Variants in IL3RA observed in about 807,000 individuals in gnomAD.
The protein encoded by IL3RA is interleukin 3 receptor subunit alpha, also known as interleukin-3 receptor subunit alpha.
A neutral mutation model predicts 52.3 loss-of-function variants in IL3RA; 73 were observed. That is an observed-to-expected ratio of 1.40 (90% CI 1.16 to 1.70). The LOEUF (loss-of-function observed/expected upper bound fraction) is 1.70. IL3RA is among the 40% of genes most tolerant of loss of function. The pLI, the probability that IL3RA is intolerant of heterozygous loss-of-function variation, is 0.00. For missense variants in IL3RA, 664 were observed against 504.4 expected (o/e 1.32, Z -3.03); for synonymous variants, 260 against 194.0 (o/e 1.34, Z -2.83).
chrX:1,351,554 C>G (rs775223642), intron 4 of IL3RA, among the ~76,000 whole-genome samples: 147 of 151,304 alleles, frequency 9.7e-4, no homozygotes, highest in African/African-American at 3.4e-3. Context: ...GTCTCGAACT[C>G]CGGACCTCAG....
At chrX:1,358,634 G>A (rs1301799366) in intron 7 of IL3RA, among the ~76,000 whole-genome samples, 2 of 152,182 alleles carry the variant, frequency 1.3e-5, no homozygotes, top group Admixed American at 1.3e-4. Context: ...ATTCCAGCCT[G>A]GGTGACGGAG....
intron 4 of IL3RA, among the ~76,000 whole-genome samples, chrX:1,349,758 G>A (rs1330774715): frequency 2.0e-5 from 3 of 152,090 alleles, no homozygotes; most frequent in East Asian, 1.9e-4. Flanking sequence ...CGCCTCCCGG[G>A]TTCAAGCGAT....
At position 1,348,073 on chromosome X, in the gene IL3RA, A is replaced by C. The variant is rs376721225; in HGVS notation, c.184-358A>C. Among the ~76,000 whole-genome samples, 36 of 113,220 alleles carry C rather than the reference A, an allele frequency of 3.2e-4. 1 individual carries two copies. Among genetic ancestry groups the C allele is most frequent in the African/African-American group, 1.2e-3 (35 of 29,656 alleles). The allele number at this position is 113,220 out of a possible 152,430, so 74.3% of individuals were successfully genotyped here. On this transcript the variant is annotated intron_variant, in intron 3 of 11. Transcript: ENST00000331035. ...AAACAGAAAAAAGTCTTGGCCGGGCACGGTGGCTCACGCCTGTAATCCCAG... is the reference window on the plus strand; with the variant it reads ...AAACAGAAAAAAGTCTTGGCCGGGCCCGGTGGCTCACGCCTGTAATCCCAG...
chrX:1,382,182 C>T (rs1479101736), intron 11 of IL3RA, among the ~76,000 whole-genome samples: 1 of 60,708 alleles, frequency 1.6e-5, no homozygotes, highest in Non-Finnish European at 3.0e-5. Flanking sequence ...ATCTCCTGAC[C>T]TTATGGTCCG....
rs759882147 is a variant in IL3RA, at chrX:1,365,167, C to A, written c.789C>A (p.Leu263=). 3.1e-5 allele frequency: 50 copies of A among 1,610,710 alleles called. No homozygotes were observed. In the South Asian group the frequency reaches 5.5e-4, roughly 18 times the overall value. ...GAGACAGAACCTCCTTCCAGCTACTCAATCCTGGAACGTACACAGTACAAA... is the reference window on the plus strand; with the variant it reads ...GAGACAGAACCTCCTTCCAGCTACTAAATCCTGGAACGTACACAGTACAAA... ...QVRDRTSFQL[L]NPGTYTVQIR... The change falls in exon 9 of 12, where the codon CTC becomes CTA. Residue 263 remains leucine (L), a synonymous_variant. Coordinates refer to ENST00000331035, the MANE Select transcript of IL3RA (RefSeq NM_002183.4).
intron 3 of IL3RA, among the ~76,000 whole-genome samples, chrX:1,347,491 A>C (rs1384286077): frequency 1.2e-4 from 18 of 151,654 alleles, no homozygotes; most frequent in Non-Finnish European, 2.5e-4. Context: ...ATACAAGTAG[A>C]TTAATGAAAT....
chrX:1,348,654 C>T (rs1323442360), intron 4 of IL3RA, 109 bp downstream of exon 4: 10 of 406,516 alleles, frequency 2.5e-5, no homozygotes, highest in African/African-American at 6.0e-5. Flanking sequence ...CTCTTTCTTT[C>T]TTTCTTTCTT....
chrX:1,344,307 A>G (rs1299239305), intron 2 of IL3RA, among the ~76,000 whole-genome samples: 3 of 148,836 alleles, frequency 2.0e-5, no homozygotes, highest in African/African-American at 7.4e-5. Context: ...GGTGGCAGGC[A>G]CCTGTTATCC....
chrX:1,377,420 T>C (rs1411484511), intron 9 of IL3RA, among the ~76,000 whole-genome samples: 15 of 152,114 alleles, frequency 9.9e-5, no homozygotes, highest in African/African-American at 2.9e-4. Flanking sequence ...TTTGTATTTT[T>C]ATTAGAGACG....
At chrX:1,363,421 C>T (rs775324780) in intron 8 of IL3RA, among the ~76,000 whole-genome samples, 2 of 152,006 alleles carry the variant, frequency 1.3e-5, no homozygotes, top group African/African-American at 2.4e-5. Flanking sequence ...CTGCCTCAGC[C>T]TCCTGAGTAG....
chrX:1,348,728 CTT>C (rs368058337), intron 4 of IL3RA, among the ~76,000 whole-genome samples, 183 bp downstream of exon 4: 1 of 57,158 alleles, frequency 1.7e-5, no homozygotes, highest in African/African-American at 1.4e-4. Flanking sequence ...TTCTTCCTTT[CTT>C]TTTCTTTCTT....
chrX:1,381,041 A>G lies in IL3RA; in HGVS notation c.999A>G (p.Arg333=), dbSNP rs747621139. The G allele has an allele frequency of 6.2e-7, 1 of 1,613,250 alleles. No individual in the cohort carries two copies. The highest frequency in any genetic ancestry group is 1.1e-5 in the South Asian group (1 of 91,046). The part of the protein sequence containing the change: ...VICRRYLVMQ[R]LFPRIPHMKD... Reference sequence around the variant, plus strand: ...CTCCGAGGTATCTGGTGATGCAGAGACTCTTTCCCCGCATCCCTCACATGA... The same window carrying G: ...CTCCGAGGTATCTGGTGATGCAGAGGCTCTTTCCCCGCATCCCTCACATGA... The change falls in exon 11 of 12, where the codon AGA becomes AGG. Residue 333 remains arginine, a synonymous_variant. Coordinates refer to ENST00000331035, the MANE Select transcript of IL3RA (RefSeq NM_002183.4).
chrX:1,339,671 A>G (rs2085414163), intron 1 of IL3RA, among the ~76,000 whole-genome samples: 1 of 152,082 alleles, frequency 6.6e-6, no homozygotes, highest in Non-Finnish European at 1.5e-5. Context: ...GGACACCGGT[A>G]ATCCCATCTA....
At chrX:1,337,718 T>G (rs1487643493) in intron 1 of IL3RA, among the ~76,000 whole-genome samples, 2 of 139,758 alleles carry the variant, frequency 1.4e-5, no homozygotes, top group Non-Finnish European at 3.2e-5. Context: ...AGCAGCTTTA[T>G]TCACAATAGC....
At chrX:1,363,494 G>GA (rs1309457109) in intron 8 of IL3RA, among the ~76,000 whole-genome samples, 4 of 151,024 alleles carry the variant, frequency 2.6e-5, no homozygotes, top group East Asian at 2.0e-4. Context: ...TAGAGACGGG[G>GA]TTTCACTGTG....
chrX:1,366,020 C>G (rs867530509), intron 9 of IL3RA, among the ~76,000 whole-genome samples: 2 of 4,616 alleles, frequency 4.3e-4, no homozygotes, highest in Non-Finnish European at 6.2e-4. Context: ...CCGGGTGCCC[C>G]GGGTGAGCGG....
intron 9 of IL3RA, among the ~76,000 whole-genome samples, chrX:1,378,182 C>CAAAAAA (rs370693489): frequency 7.0e-5 from 6 of 86,230 alleles, no homozygotes; most frequent in South Asian, 3.9e-4. Flanking sequence ...GACTCCATCT[C>CAAAAAA]AAAAAAAAAA....
chrX:1,347,653 CAAG>C (rs1281822405), intron 3 of IL3RA, among the ~76,000 whole-genome samples: 1 of 150,942 alleles, frequency 6.6e-6, no homozygotes, highest in African/African-American at 2.5e-5. Context: ...AACAAACAAA[CAAG>C]AAAAAAACAA....
chrX:1,348,012 G>A (rs1391514117), intron 3 of IL3RA, among the ~76,000 whole-genome samples: 43 of 144,078 alleles, frequency 3.0e-4, no homozygotes, highest in African/African-American at 1.1e-3. Context: ...ACTCCAGCCT[G>A]GGCGACAGAG....
Sources: gnomAD v4.1 joint callset for allele counts (sites outside exome capture counted in the v4.1 genomes callset) on GRCh38, gnomAD v4.1.1 for gene constraint, MANE v1.5 for transcripts, NCBI Gene and HGNC (gene_info 2026-07-23, HGNC 2026-07-21) for gene names.